Variants in TFB1M observed in about 807,000 individuals in gnomAD.
The protein encoded by TFB1M is dimethyladenosine transferase 1, mitochondrial.
A neutral mutation model predicts 31.1 loss-of-function variants in TFB1M; 27 were observed. The ratio of observed to expected loss-of-function variants is 0.87; its 90% CI spans 0.64 to 1.20. TFB1M has a LOEUF of 1.20. TFB1M is among the 50% of genes most tolerant of loss of function. TFB1M has a pLI of 0.00. For missense variants in TFB1M, 394 were observed against 418.7 expected (o/e 0.94, Z 0.51); for synonymous variants, 166 against 151.8 (o/e 1.09, Z -0.69).
rs977761055 is a variant in TFB1M at position 155,257,575 on chromosome 6, T to G, written c.*261A>C. ...GGCAAAATGTGCAGATACTTCATTT[T>G]TGTAAGATAGATTGTAATAGATGCT... On this transcript the variant is annotated 3_prime_UTR_variant, in exon 7 of 7. Coordinates refer to ENST00000367166, the MANE Select transcript of TFB1M (RefSeq NM_016020.4). 1 of 365,414 alleles carries G rather than the reference T, an allele frequency of 2.7e-6. No individual in the cohort carries two copies. The highest frequency in any genetic ancestry group is 3.2e-5 in the South Asian group (1 of 31,486). 22.6% of individuals were successfully genotyped at this position (365,414 alleles called of 1,614,324 possible). A position where few individuals can be genotyped will look rare whatever the true frequency, so the allele number is the denominator to read the frequency against.
At chr6:155,232,269 T>G in the TFB1M span, among the ~76,000 whole-genome samples, 1 of 98,958 alleles carries the variant, frequency 1.0e-5, no homozygotes, top group Non-Finnish European at 1.8e-5. Context: ...ATTTTTAGTG[T>G]TTTTTTTTTC....
intron 6 of TFB1M, 23 bp from the exon 7 acceptor site, chr6:155,258,105 G>GA: frequency 6.2e-7 from 1 of 1,613,752 alleles, no homozygotes; most frequent in African/African-American, 1.3e-5. Flanking sequence ...CAGACAGACA[G>GA]AAAAATAAGA....
At chr6:155,287,650 T>G (rs1776727013) in intron 4 of TFB1M, among the ~76,000 whole-genome samples, 1 of 151,714 alleles carries the variant, frequency 6.6e-6, no homozygotes, top group African/African-American at 2.4e-5. Flanking sequence ...AAGTTTAAGA[T>G]AGTACAACTC....
the TFB1M span, chr6:155,244,516 G>C: frequency 1.0e-6 from 1 of 982,980 alleles, no homozygotes; most frequent in South Asian, 1.7e-5. Context: ...CATAATGAAT[G>C]TGCTGTCTTC....
chr6:155,242,128 G>T, the TFB1M span, among the ~76,000 whole-genome samples: 1 of 152,258 alleles, frequency 6.6e-6, no homozygotes, highest in Non-Finnish European at 1.5e-5. Flanking sequence ...TGTTTTCTTA[G>T]GGCCCCCCTG....
chr6:155,231,826 G>C, the TFB1M span, among the ~76,000 whole-genome samples: 18 of 152,364 alleles, frequency 1.2e-4, no homozygotes, highest in African/African-American at 4.3e-4. Flanking sequence ...TGTAATCCCA[G>C]TATTTTGGGA....
At chr6:155,276,458 C>A in intron 5 of TFB1M, 1 of 1,266,494 alleles carries the variant, frequency 7.9e-7, no homozygotes, top group Non-Finnish European at 1.1e-6. Context: ...CAGAATTATG[C>A]TTAACTTTCC....
intron 5 of TFB1M, chr6:155,276,357 A>G: frequency 6.2e-7 from 1 of 1,613,166 alleles, no homozygotes. Context: ...AATTCCACAC[A>G]CAATCTGAAG....
Position 155,258,193 on chromosome 6 carries a change from A to C in TFB1M, c.795-111T>G. 4 of 1,301,084 alleles carry C rather than the reference A, an allele frequency of 3.1e-6. No individual in the cohort carries two copies. The South Asian group carries it at 4.9e-5, about 16-fold the overall frequency. The allele number at this position is 1,301,084 out of a possible 1,614,324, so 80.6% of individuals were successfully genotyped here. On this transcript the variant is annotated intron_variant, in intron 6 of 6. Transcript: ENST00000367166. ...AACACAACACAGTTGCTGGCTACTG[A>C]CAGCTGGAGAGAGTGGCAGGAGCCT...
At chr6:155,313,074 CCT>C (rs1193941842) in intron 1 of TFB1M, 2 of 151,962 alleles carry the variant, frequency 1.3e-5, no homozygotes, top group Non-Finnish European at 2.9e-5. Context: ...ATAGTGAAAC[CCT>C]GTCTTTACTA....
At chr6:155,240,050 C>G in the TFB1M span, among the ~76,000 whole-genome samples, 4 of 152,226 alleles carry the variant, frequency 2.6e-5, no homozygotes, top group South Asian at 4.1e-4. Flanking sequence ...CCAGGTCGTC[C>G]TGTAATTGCT....
downstream of TFB1M, among the ~76,000 whole-genome samples, chr6:155,252,251 G>C (rs1352645427): frequency 6.6e-6 from 1 of 152,142 alleles, no homozygotes; most frequent in Admixed American, 6.5e-5. Context: ...GGGAGGCTGA[G>C]GCTTGAGCCC....
chr6:155,256,717 C>T lies in TFB1M; in HGVS notation c.*1119G>A. ...CAATCTCATCAAAGAGAGTGACATC[C>T]TGAGCGATGAAGATGATGACCACCG... On this transcript the variant is annotated 3_prime_UTR_variant, in exon 7 of 7. Transcript: ENST00000367166. 6.2e-7 allele frequency: 1 copy of T among 1,614,176 alleles called. No homozygotes were observed. The highest frequency in any genetic ancestry group is 1.3e-5 in the African/African-American group (1 of 75,044).
intron 6 of TFB1M, among the ~76,000 whole-genome samples, chr6:155,259,019 A>C (rs1784263120): frequency 6.6e-6 from 1 of 152,184 alleles, no homozygotes; most frequent in Non-Finnish European, 1.5e-5. Context: ...ATCTGAAATG[A>C]ATAGGGCCCT....
chr6:155,308,891 C>T (rs189815968), intron 2 of TFB1M, among the ~76,000 whole-genome samples: 83 of 152,138 alleles, frequency 5.5e-4, no homozygotes, highest in African/African-American at 1.9e-3. Flanking sequence ...TAATTTAGTA[C>T]CTCTAAAACA....
rs1562424804 is a variant in TFB1M, at chr6:155,305,246, TTATATATATATTAAATTATATATTTA to T, written c.285+5916_285+5941del. On this transcript the variant is annotated intron_variant, in intron 2 of 6. Transcript: ENST00000367166. ...TATATATATATATTAAATTATATAT[TTATATATATATTAAATTATATATTTA>T]TATATATATATTAAATTATATATTT... Among the ~76,000 whole-genome samples the T allele has an allele frequency of 3.7e-4, 12 of 32,804 alleles. 3 individuals are homozygous for T. Among genetic ancestry groups the T allele is most frequent in the African/African-American group, 6.6e-4 (5 of 7,602 alleles). The allele number at this position is 32,804 out of a possible 152,430, so 21.5% of individuals were successfully genotyped here. A position where few individuals can be genotyped will look rare whatever the true frequency, so the allele number is the denominator to read the frequency against.
chr6:155,240,813 C>A, the TFB1M span: 1 of 1,220,520 alleles, frequency 8.2e-7, no homozygotes, highest in Non-Finnish European at 1.1e-6. Context: ...ACCTGCCACT[C>A]CCCAGGGGGG....
chr6:155,300,065 C>T (rs1336808589), intron 2 of TFB1M, among the ~76,000 whole-genome samples: 1 of 152,182 alleles, frequency 6.6e-6, no homozygotes, highest in Non-Finnish European at 1.5e-5. Context: ...GACCAAATGG[C>T]ATTCAGGTCT....
chr6:155,243,877 AGAAT>A, the TFB1M span: 9 of 278,282 alleles, frequency 3.2e-5, no homozygotes, highest in Admixed American at 1.2e-4. Context: ...AAAAAAAAAA[AGAAT>A]TTCAACAAGG....
Sources: allele counts gnomAD v4.1 joint callset (sites outside exome capture counted in the v4.1 genomes callset), GRCh38; gene constraint gnomAD v4.1.1; transcripts MANE v1.5; gene names NCBI Gene and HGNC (gene_info 2026-07-23, HGNC 2026-07-21).